The following OR2L13 variants were observed in gnomAD, a reference collection of about 807,000 sequenced individuals.
OR2L13 encodes olfactory receptor family 2 subfamily L member 13.
A neutral mutation model predicts 15.3 loss-of-function variants in OR2L13; 14 were observed. That is an observed-to-expected ratio of 0.91 (90% CI 0.60 to 1.43). The LOEUF (loss-of-function observed/expected upper bound fraction) is 1.43, where lower values mean the gene tolerates loss of function less well. Ranked by LOEUF, OR2L13 falls within the 40% of genes most tolerant of loss-of-function variation. The probability of loss-of-function intolerance (pLI) is 0.00; values close to 1 mark genes in which losing one functional copy is unlikely to be tolerated. For missense variants in OR2L13, 367 were observed against 387.9 expected (o/e 0.95, Z 0.45); for synonymous variants, 152 against 142.9 (o/e 1.06, Z -0.45).
chr1:248,038,658 T>C, the OR2L13 span: 1 of 1,614,196 alleles, frequency 6.2e-7, no homozygotes, highest in Non-Finnish European at 8.5e-7. Context: ...TCCTCTCCAC[T>C]ATCCCATCCG....
the OR2L13 span, among the ~76,000 whole-genome samples, chr1:247,988,553 T>C: frequency 1.3e-5 from 2 of 152,170 alleles, no homozygotes; most frequent in Non-Finnish European, 2.9e-5. Flanking sequence ...TTTAAGTGAG[T>C]GTACATCTTT....
the OR2L13 span, among the ~76,000 whole-genome samples, chr1:247,982,357 A>G: frequency 6.6e-6 from 1 of 152,186 alleles, no homozygotes; most frequent in African/African-American, 2.4e-5. Context: ...TCTGATAATG[A>G]GAATATAGTT....
chr1:247,993,809 G>GAGAGAGAGAA, the OR2L13 span, among the ~76,000 whole-genome samples: 11 of 132,944 alleles, frequency 8.3e-5, no homozygotes, highest in Admixed American at 2.1e-4. Context: ...GAGAGAGAGA[G>GAGAGAGAGAA]AGAAAGAAAG....
At chr1:248,055,967 A>G in the OR2L13 span, 1 of 152,148 alleles carries the variant, frequency 6.6e-6, no homozygotes, top group African/African-American at 2.4e-5. Flanking sequence ...TGGTCTATTT[A>G]GGGATTCAAA....
At chr1:248,001,668 T>C in the OR2L13 span, among the ~76,000 whole-genome samples, 1 of 151,942 alleles carries the variant, frequency 6.6e-6, no homozygotes, top group Non-Finnish European at 1.5e-5. Context: ...AGAAACATCA[T>C]GGCTGAGGCT....
the OR2L13 span, among the ~76,000 whole-genome samples, chr1:248,032,577 T>C: frequency 5.3e-5 from 8 of 152,314 alleles, no homozygotes; most frequent in East Asian, 1.5e-3. Flanking sequence ...TTGACTACTC[T>C]GGGTACTTCC....
chr1:248,072,417 T>C, the OR2L13 span, among the ~76,000 whole-genome samples: 1 of 152,108 alleles, frequency 6.6e-6, no homozygotes, highest in Non-Finnish European at 1.5e-5. Flanking sequence ...GGAAAACCCA[T>C]AGCCATATGT....
the OR2L13 span, among the ~76,000 whole-genome samples, chr1:247,994,258 G>A: frequency 2.0e-5 from 3 of 152,128 alleles, no homozygotes; most frequent in African/African-American, 4.8e-5. Flanking sequence ...TTAGCCGGGC[G>A]TGGTGGCGGG....
At chr1:247,945,246 G>A in the OR2L13 span, among the ~76,000 whole-genome samples, 1 of 151,988 alleles carries the variant, frequency 6.6e-6, no homozygotes, top group Non-Finnish European at 1.5e-5. Context: ...CTTGATTTCT[G>A]CCTTAATTTC....
chr1:247,964,755 T>A, the OR2L13 span, among the ~76,000 whole-genome samples: 1 of 151,212 alleles, frequency 6.6e-6, no homozygotes, highest in African/African-American at 2.4e-5. Flanking sequence ...CTTTTATCTT[T>A]TTTATAAGTT....
At chr1:248,084,549 A>C in the OR2L13 span, 11 of 1,612,924 alleles carry the variant, frequency 6.8e-6, no homozygotes, top group East Asian at 2.2e-4. Context: ...TGGTGTGGTT[A>C]AAGAGTCCCA....
the OR2L13 span, among the ~76,000 whole-genome samples, chr1:248,030,919 G>A: frequency 1.3e-5 from 2 of 152,110 alleles, no homozygotes; most frequent in Admixed American, 6.5e-5. Context: ...TTCTACTTGT[G>A]ATGAAAATAT....
chr1:248,004,092 C>A, the OR2L13 span: 157 of 1,575,510 alleles, frequency 1.0e-4, 2 homozygotes, highest in Middle Eastern at 1.7e-4. Context: ...CCTAAGGTTT[C>A]AGGACTCAGA....
the OR2L13 span, among the ~76,000 whole-genome samples, chr1:248,014,139 G>C: frequency 6.6e-6 from 1 of 152,058 alleles, no homozygotes; most frequent in Admixed American, 6.6e-5. Flanking sequence ...CAAGTGGTGA[G>C]TAATTAATTA....
chr1:248,013,805 T>G, the OR2L13 span: 133 of 152,274 alleles, frequency 8.7e-4, no homozygotes, highest in African/African-American at 2.2e-3. Flanking sequence ...TGGCAAGCGC[T>G]TAAGAGAACT....
the OR2L13 span, among the ~76,000 whole-genome samples, chr1:248,081,934 G>A: frequency 6.6e-6 from 1 of 152,096 alleles, no homozygotes. Flanking sequence ...CTGAAATGGC[G>A]GGTTAACTTT....
At chr1:247,965,348 T>C in the OR2L13 span, 1 of 1,585,864 alleles carries the variant, frequency 6.3e-7, no homozygotes, top group South Asian at 1.2e-5. Context: ...ATTTCAGATG[T>C]CATCTCCTTT....
upstream of OR2L13, among the ~76,000 whole-genome samples, chr1:248,096,044 ACT>A (rs1352121771): frequency 4.0e-5 from 6 of 151,634 alleles, no homozygotes; most frequent in Admixed American, 6.6e-5. Context: ...TCATCAGGAA[ACT>A]CTCTGCTGCA....
the OR2L13 span, among the ~76,000 whole-genome samples, chr1:247,944,493 G>GTTC: frequency 7.9e-5 from 12 of 152,140 alleles, no homozygotes; most frequent in Non-Finnish European, 1.8e-4. Context: ...AGTAAGTGTG[G>GTTC]TTCTTCTCCC....
Sources: allele counts gnomAD v4.1 joint callset (sites outside exome capture counted in the v4.1 genomes callset), GRCh38; gene constraint gnomAD v4.1.1; transcripts MANE v1.5; gene names NCBI Gene and HGNC (gene_info 2026-07-23, HGNC 2026-07-21).